The following CALD1 variants were observed in gnomAD, a reference collection of about 807,000 sequenced individuals.
CALD1 encodes the protein caldesmon 1.
Under a neutral mutation model 99.9 loss-of-function variants are expected in CALD1, and 33 were observed. That is an observed-to-expected ratio of 0.33 (90% CI 0.25 to 0.44). CALD1 has a LOEUF of 0.44. Ranked by LOEUF, CALD1 falls within the 20% of genes least tolerant of loss-of-function variation. The pLI, the probability that CALD1 is intolerant of heterozygous loss-of-function variation, is 1.00. For synonymous variants in CALD1, 310 were observed against 325.0 expected, an observed-to-expected ratio of 0.95 and a Z score of 0.50; for missense variants, 861 against 962.1, an observed-to-expected ratio of 0.89 and a Z score of 1.39.
intron 3 of CALD1, among the ~76,000 whole-genome samples, chr7:134,895,224 C>T (rs773873648): frequency 3.3e-5 from 5 of 150,528 alleles, no homozygotes; most frequent in Non-Finnish European, 5.9e-5. Context: ...TTTAGGAATG[C>T]CTGGCTTATT....
intron 1 of CALD1, 96 bp downstream of exon 1, chr7:134,779,845 T>C (rs967570834): frequency 2.5e-6 from 1 of 395,912 alleles, no homozygotes; most frequent in Non-Finnish European, 4.4e-6. Flanking sequence ...TAGCTGGAGA[T>C]GCAAGAATGT....
chr7:134,804,807 C>T (rs1302709697), intron 1 of CALD1, among the ~76,000 whole-genome samples: 3 of 152,220 alleles, frequency 2.0e-5, no homozygotes, highest in African/African-American at 7.2e-5. Flanking sequence ...TGTAACCTCC[C>T]AACAGGGTCT....
upstream of CALD1, among the ~76,000 whole-genome samples, chr7:134,776,427 C>T (rs999312077): frequency 3.3e-5 from 5 of 152,092 alleles, no homozygotes; most frequent in Non-Finnish European, 7.4e-5. Flanking sequence ...TTTTAAACTG[C>T]TAATGTTGTA....
At chr7:134,885,744 A>C (rs1367688654) in intron 3 of CALD1, among the ~76,000 whole-genome samples, 1 of 152,210 alleles carries the variant, frequency 6.6e-6, no homozygotes, top group Non-Finnish European at 1.5e-5. Flanking sequence ...ACAAATCTAC[A>C]TTCTAAAATA....
At position 134,861,148 on chromosome 7, in the gene CALD1, A is replaced by G. The variant is rs138907289; in HGVS notation, c.-41-6545A>G. ...CTGGCTCAAGCAGGTATACAGCCAT[A>G]GTATTATTATGTGGCGTAAGATGAA... On this transcript the variant is annotated intron_variant, in intron 2 of 14. Transcript: ENST00000361675. Among the ~76,000 whole-genome samples, 25 of 152,352 alleles carry G rather than the reference A, an allele frequency of 1.6e-4. 1 individual carries two copies. Among genetic ancestry groups the G allele is most frequent in the Admixed American group, 3.9e-4 (6 of 15,300 alleles).
intron 1 of CALD1, among the ~76,000 whole-genome samples, chr7:134,831,883 C>A (rs1799238922): frequency 6.6e-6 from 1 of 152,000 alleles, no homozygotes; most frequent in African/African-American, 2.4e-5. Flanking sequence ...AGTTTCAGAG[C>A]AAGAGTGGAA....
At chr7:134,822,355 G>A (rs1046666813) in intron 1 of CALD1, among the ~76,000 whole-genome samples, 1 of 152,172 alleles carries the variant, frequency 6.6e-6, no homozygotes, top group Non-Finnish European at 1.5e-5. Context: ...TTTGGTGAAT[G>A]ATAATGAGTA....
the CALD1 span, among the ~76,000 whole-genome samples, chr7:134,729,339 C>A: frequency 1.3e-5 from 2 of 152,330 alleles, no homozygotes; most frequent in South Asian, 4.1e-4. Context: ...AAATGACTCA[C>A]CCATGGTCAC....
intron 1 of CALD1, among the ~76,000 whole-genome samples, chr7:134,838,459 C>T (rs1255615260): frequency 2.0e-5 from 3 of 152,186 alleles, no homozygotes; most frequent in Non-Finnish European, 4.4e-5. Context: ...GGACAAGAAA[C>T]AGTGGATACT....
intron 1 of CALD1, among the ~76,000 whole-genome samples, chr7:134,796,399 T>G (rs916252375): frequency 1.3e-5 from 2 of 152,196 alleles, no homozygotes; most frequent in Non-Finnish European, 2.9e-5. Context: ...CTTCTTCCTT[T>G]GAAATATGAA....
intron 1 of CALD1, among the ~76,000 whole-genome samples, chr7:134,753,351 G>T (rs918475747): frequency 1.2e-4 from 19 of 152,146 alleles, no homozygotes; most frequent in East Asian, 7.7e-4. Flanking sequence ...AGATGAAATT[G>T]TTCTGAGGGA....
rs539384439 is a variant in CALD1 at position 134,869,745 on chromosome 7, G to A, written c.71+1941G>A. Among the ~76,000 whole-genome samples the A allele has an allele frequency of 2.6e-5, 4 of 152,286 alleles. No individual in the cohort carries two copies. The South Asian group carries it at 8.3e-4, about 32-fold the overall frequency. On this transcript the variant is annotated intron_variant, in intron 3 of 14. Coordinates refer to ENST00000361675, the MANE Select transcript of CALD1 (RefSeq NM_033138.4). ...GGAAATTTCACTCTTTGTTCAAAAA[G>A]GGAGAGAAATTATTATTAGAGTAAT...
At chr7:134,930,468 A>C (rs1805441173) in intron 4 of CALD1, among the ~76,000 whole-genome samples, 1 of 152,186 alleles carries the variant, frequency 6.6e-6, no homozygotes, top group Non-Finnish European at 1.5e-5. Context: ...CAGTCTATTT[A>C]GAAAATTCTA....
rs138608315 is a variant in CALD1 at position 134,767,911 on chromosome 7, G to A, written c.-130+23548G>A. On this transcript the variant is annotated intron_variant, in intron 1 of 13. Transcript: ENST00000417172. ...ATGCTCAGATGTTGAGTGAATAAAT[G>A]AATGAATAAACAAATGAATAGCTGA... 1.3e-3 allele frequency among the ~76,000 whole-genome samples: 194 copies of A among 152,352 alleles called. 2 individuals are homozygous for A. Among genetic ancestry groups the A allele is most frequent in the African/African-American group, 4.4e-3 (185 of 41,578 alleles).
chr7:134,962,750 C>T (rs1049027163), intron 13 of CALD1: 22 of 449,126 alleles, frequency 4.9e-5, no homozygotes, highest in Admixed American at 1.2e-4. Context: ...ACTAATGTTA[C>T]ACAGAAATTA....
chr7:134,864,898 A>G (rs1457892800), intron 2 of CALD1, among the ~76,000 whole-genome samples: 3 of 152,136 alleles, frequency 2.0e-5, no homozygotes, highest in African/African-American at 7.2e-5. Flanking sequence ...TAGCATGACC[A>G]CAGTCCCTCC....
Position 134,838,288 on chromosome 7 carries a change from A to G in CALD1, c.-129-5596A>G, listed in dbSNP as rs3800721. On this transcript the variant is annotated intron_variant, in intron 1 of 14. Transcript: ENST00000361675. The stretch of plus-strand genomic sequence containing the variant: ...TCATACAGACATAAACCTATACACT[A>G]AACTACAAGCATACTATAGATGAAT... Among the ~76,000 whole-genome samples, 27 of 152,366 alleles carry G rather than the reference A, an allele frequency of 1.8e-4. No individual in the cohort carries two copies. In the South Asian group the frequency reaches 3.7e-3, roughly 21 times the overall value.
chr7:134,922,485 T>C (rs1270041590), intron 3 of CALD1, among the ~76,000 whole-genome samples: 1 of 152,214 alleles, frequency 6.6e-6, no homozygotes, highest in Non-Finnish European at 1.5e-5. Flanking sequence ...TTCTTTAAAC[T>C]ACGGGGAACA....
intron 1 of CALD1, among the ~76,000 whole-genome samples, chr7:134,813,078 C>T (rs1427631117): frequency 6.6e-6 from 1 of 152,066 alleles, no homozygotes; most frequent in African/African-American, 2.4e-5. Context: ...GTCAAACGCT[C>T]ATGTATTAAT....
Sources: allele counts gnomAD v4.1 joint callset (sites outside exome capture counted in the v4.1 genomes callset), GRCh38; gene constraint gnomAD v4.1.1; transcripts MANE v1.5; gene names NCBI Gene and HGNC (gene_info 2026-07-23, HGNC 2026-07-21).